The following DEXI variants were observed in gnomAD, a reference collection of about 807,000 sequenced individuals.
DEXI encodes Dexi homolog, also known as dexamethasone-induced protein.
A neutral mutation model predicts 2.5 loss-of-function variants in DEXI; 2 were observed. That is an observed-to-expected ratio of 0.81 (90% CI 0.33 to 2.55). The LOEUF is 2.55. DEXI is among the 30% of genes most tolerant of loss of function. The pLI is 0.11. For synonymous variants in DEXI, 71 were observed against 68.7 expected (o/e 1.03, Z -0.17); for missense variants, 108 against 130.3 (o/e 0.83, Z 0.83).
chr16:10,941,452 G>A lies in DEXI; in HGVS notation c.*149+117C>T. 1 of 1,062,766 alleles carries A rather than the reference G, an allele frequency of 9.4e-7. No individual in the cohort carries two copies. 65.8% of individuals were successfully genotyped at this position (1,062,766 alleles called of 1,614,324 possible). A position where few individuals can be genotyped will look rare whatever the true frequency, so the allele number is the denominator to read the frequency against. On this transcript the variant is annotated intron_variant, in intron 1 of 1. Coordinates refer to ENST00000331808, the MANE Select transcript of DEXI (RefSeq NM_014015.4). This position sits in a 1 kb window ranked among gnomAD's most constrained non-coding sequence, Gnocchi z 6.4. Reference sequence around the variant, plus strand: ...CCATTCCTGGCATCCAGTTAGACCTGGAGGAGGTGAACGGAGGAGAAGCCT... The same window carrying A: ...CCATTCCTGGCATCCAGTTAGACCTAGAGGAGGTGAACGGAGGAGAAGCCT...
Position 10,941,627 on chromosome 16 carries a change from C to T in DEXI, c.*91G>A. ...GGAACCATCCCCGTCCAGATGGTGC[C>T]CCCAACCAGCTGCGGCGGCATGATC... On this transcript the variant is annotated 3_prime_UTR_variant, in exon 1 of 2. Transcript: ENST00000331808. The surrounding 1 kb of genome is among the most constrained non-coding windows in gnomAD (Gnocchi z 6.4). 1 of 1,521,472 alleles carries T rather than the reference C, an allele frequency of 6.6e-7. No individual in the cohort carries two copies. The allele number at this position is 1,521,472 out of a possible 1,614,324, so 94.2% of individuals were successfully genotyped here.
Position 10,942,361 on chromosome 16 carries a change from G to C in DEXI, c.-356C>G, listed in dbSNP as rs529197150. On this transcript the variant is annotated 5_prime_UTR_variant, in exon 1 of 2. Transcript: ENST00000331808. This position sits in a 1 kb window ranked among gnomAD's most constrained non-coding sequence, Gnocchi z 5.0. ...CGGCTCAGTGTCTAGGGCCGGTCCC[G>C]GCAGCCTTCTCTCCCGCCCCGCCCC... 2.1e-5 allele frequency: 4 copies of C among 189,152 alleles called. No individual in the cohort carries two copies. The South Asian group carries it at 3.9e-4, about 18-fold the overall frequency. 11.7% of individuals were successfully genotyped at this position (189,152 alleles called of 1,614,324 possible).
At position 10,942,034 on chromosome 16, in the gene DEXI, C is replaced by G. The variant is rs572435508; in HGVS notation, c.-29G>C. On this transcript the variant is annotated 5_prime_UTR_variant, in exon 1 of 2. Coordinates refer to ENST00000331808, the MANE Select transcript of DEXI (RefSeq NM_014015.4). The surrounding 1 kb of genome is among the most constrained non-coding windows in gnomAD (Gnocchi z 5.0). ...GCGGGTGGCAAGGGCGGCGGCCCGGCGATCCCGGCGAACTCAGCCGCTGCG... is the reference window on the plus strand; with the variant it reads ...GCGGGTGGCAAGGGCGGCGGCCCGGGGATCCCGGCGAACTCAGCCGCTGCG... 29 of 1,371,130 alleles carry G rather than the reference C, an allele frequency of 2.1e-5. No homozygotes were observed. The African/African-American group carries it at 4.3e-4, about 20-fold the overall frequency. 84.9% of individuals were successfully genotyped at this position (1,371,130 alleles called of 1,614,324 possible).
At position 10,929,393 on chromosome 16, in the gene DEXI, C is replaced by G. The variant is rs190916651; in HGVS notation, c.*316G>C. 8.1e-6 allele frequency: 8 copies of G among 985,764 alleles called. No individual in the cohort carries two copies. The South Asian group carries it at 2.8e-4, about 35-fold the overall frequency. The allele number at this position is 985,764 out of a possible 1,614,324, so 61.1% of individuals were successfully genotyped here. On this transcript the variant is annotated 3_prime_UTR_variant, in exon 2 of 2. Coordinates refer to ENST00000331808, the MANE Select transcript of DEXI (RefSeq NM_014015.4). The surrounding 1 kb of genome is among the most constrained non-coding windows in gnomAD (Gnocchi z 4.3). The stretch of plus-strand genomic sequence containing the variant: ...TAATCAGAAGCCAAGGCCAGGCCAT[C>G]GATTTGACACTGCAGGCAGATGAGG...
In DEXI at chr16:10,940,270, A is replaced by C. The variant is rs2041084601; in HGVS notation, c.*149+1299T>G. On this transcript the variant is annotated intron_variant, in intron 1 of 1. Transcript: ENST00000331808. This position sits in a 1 kb window ranked among gnomAD's most constrained non-coding sequence, Gnocchi z 4.2. The stretch of plus-strand genomic sequence containing the variant: ...CCTTAGGGAGGTGATTAGGTCACGA[A>C]GGCAGAGCCTTCATGGGTGGGATTA... 1.3e-5 allele frequency: 2 copies of C among 152,268 alleles called. No individual in the cohort carries two copies. The highest frequency in any genetic ancestry group is 1.3e-4 in the Admixed American group (2 of 15,290). 9.4% of individuals were successfully genotyped at this position (152,268 alleles called of 1,614,324 possible). A position where few individuals can be genotyped will look rare whatever the true frequency, so the allele number is the denominator to read the frequency against.
At position 10,937,589 on chromosome 16, in the gene DEXI, C is replaced by G. The variant is rs757107548; in HGVS notation, c.*149+3980G>C. 6.6e-6 allele frequency: 1 copy of G among 152,268 alleles called. No homozygotes were observed. The highest frequency in any genetic ancestry group is 1.5e-5 in the Non-Finnish European group (1 of 68,058). 9.4% of individuals were successfully genotyped at this position (152,268 alleles called of 1,614,324 possible). ...AAGCTGACTCTGGTGGCAACGTTCT[C>G]CAGTCTCTGCATTTTCAGCTCGCTG... On this transcript the variant is annotated intron_variant, in intron 1 of 1. Coordinates refer to ENST00000331808, the MANE Select transcript of DEXI (RefSeq NM_014015.4). This position sits in a 1 kb window ranked among gnomAD's most constrained non-coding sequence, Gnocchi z 4.2.
In DEXI at chr16:10,942,012, G is replaced by A. The variant is rs768029611; in HGVS notation, c.-7C>T. On this transcript the variant is annotated 5_prime_UTR_variant, in exon 1 of 2. Transcript: ENST00000331808. This position sits in a 1 kb window ranked among gnomAD's most constrained non-coding sequence, Gnocchi z 5.0. Reference sequence around the variant, plus strand: ...CGACCCGGGCGCCGAGCATGCAGCGGGTGGCAAGGGCGGCGGCCCGGCGAT... The same window carrying A: ...CGACCCGGGCGCCGAGCATGCAGCGAGTGGCAAGGGCGGCGGCCCGGCGAT... The A allele has an allele frequency of 1.3e-5, 19 of 1,438,944 alleles. No homozygotes were observed. The highest frequency in any genetic ancestry group is 2.5e-4 in the Middle Eastern group (1 of 4,010). 89.1% of individuals were successfully genotyped at this position (1,438,944 alleles called of 1,614,324 possible). A position where few individuals can be genotyped will look rare whatever the true frequency, so the allele number is the denominator to read the frequency against.
In DEXI at chr16:10,929,496, T is replaced by G. The variant is rs1396433339; in HGVS notation, c.*213A>C. 1.0e-6 allele frequency: 1 copy of G among 985,574 alleles called. No individual in the cohort carries two copies. The highest frequency in any genetic ancestry group is 1.2e-6 in the Non-Finnish European group (1 of 829,952). 61.1% of individuals were successfully genotyped at this position (985,574 alleles called of 1,614,324 possible). ...CCTCAGCACTCAGTCCCAATCTCTC[T>G]TCCACTCTCCTGGGTTCAAACAGGA... On this transcript the variant is annotated 3_prime_UTR_variant, in exon 2 of 2. Coordinates refer to ENST00000331808, the MANE Select transcript of DEXI (RefSeq NM_014015.4). This position sits in a 1 kb window ranked among gnomAD's most constrained non-coding sequence, Gnocchi z 4.3.
At chr16:10,931,828 T>C (rs1182746478) in intron 1 of DEXI, 1 of 152,212 alleles carries the variant, frequency 6.6e-6, no homozygotes, top group Non-Finnish European at 1.5e-5. Context: ...GAGGCAGAGG[T>C]TGCAGTGAGC....
Position 10,934,921 on chromosome 16 carries a change from G to A in DEXI, c.*150-5362C>T, listed in dbSNP as rs1567465590. 1.3e-5 allele frequency: 2 copies of A among 152,184 alleles called. No homozygotes were observed. The highest frequency in any genetic ancestry group is 4.8e-5 in the African/African-American group (2 of 41,438). 9.4% of individuals were successfully genotyped at this position (152,184 alleles called of 1,614,324 possible). A position where few individuals can be genotyped will look rare whatever the true frequency, so the allele number is the denominator to read the frequency against. On this transcript the variant is annotated intron_variant, in intron 1 of 1. Transcript: ENST00000331808. The surrounding 1 kb of genome is among the most constrained non-coding windows in gnomAD (Gnocchi z 4.2). ...TGCCCACACAGACACACCCTCCTTGGTAACCAGTCCTCAGGAGGAAGGGCA... is the reference window on the plus strand; with the variant it reads ...TGCCCACACAGACACACCCTCCTTGATAACCAGTCCTCAGGAGGAAGGGCA...
At chr16:10,935,015 C>T (rs145322003) in intron 1 of DEXI, 43 of 152,364 alleles carry the variant, frequency 2.8e-4, no homozygotes, top group African/African-American at 1.0e-3. Flanking sequence ...TGACACTGAC[C>T]ACGTCATTCA....
At position 10,941,713 on chromosome 16, in the gene DEXI, A is replaced by G; in HGVS notation, c.*5T>C. The G allele has an allele frequency of 6.2e-7, 1 of 1,603,212 alleles. No homozygotes were observed. The highest frequency in any genetic ancestry group is 8.5e-7 in the Non-Finnish European group (1 of 1,174,150). On this transcript the variant is annotated 3_prime_UTR_variant, in exon 1 of 2. Transcript: ENST00000331808. This position sits in a 1 kb window ranked among gnomAD's most constrained non-coding sequence, Gnocchi z 6.4. ...GTAGGGAAGAGGGGAACAGCAGTCG[A>G]GACCCTACTCCAAGTACGCATCAAA...
At chr16:10,936,981 A>G (rs938187191) in intron 1 of DEXI, 1 of 152,242 alleles carries the variant, frequency 6.6e-6, no homozygotes, top group African/African-American at 2.4e-5. Context: ...TTAGTTCGGC[A>G]AAACAGACAC....
At chr16:10,930,608 G>A (rs2040744335) in intron 1 of DEXI, 2 of 152,222 alleles carry the variant, frequency 1.3e-5, no homozygotes, top group Middle Eastern at 3.1e-3. Flanking sequence ...ACAGCTATGA[G>A]AGGCAAAGCT....
At chr16:10,935,576 T>A (rs1376375677) in intron 1 of DEXI, 1 of 152,212 alleles carries the variant, frequency 6.6e-6, no homozygotes, top group African/African-American at 2.4e-5. Context: ...GTGCATTTCA[T>A]CTTAAACTGC....
chr16:10,933,894 C>G (rs2145377302), intron 1 of DEXI: 1 of 152,340 alleles, frequency 6.6e-6, no homozygotes, highest in South Asian at 2.1e-4. Context: ...GCAGGAGGGT[C>G]TCTACCTTAT....
At chr16:10,932,886 A>G (rs1409635515) in intron 1 of DEXI, 1 of 151,920 alleles carries the variant, frequency 6.6e-6, no homozygotes, top group Non-Finnish European at 1.5e-5. Flanking sequence ...ATGGGGTTTC[A>G]CCATGTTGGC....
chr16:10,938,148 A>G lies in DEXI; in HGVS notation c.*149+3421T>C, dbSNP rs1262546657. On this transcript the variant is annotated intron_variant, in intron 1 of 1. Transcript: ENST00000331808. This position sits in a 1 kb window ranked among gnomAD's most constrained non-coding sequence, Gnocchi z 4.9. Reference sequence around the variant, plus strand: ...ACAAGGAGATCTAAGTGCTTTATGTATATCTCACCTAATCCTCACAACAAG... The same window carrying G: ...ACAAGGAGATCTAAGTGCTTTATGTGTATCTCACCTAATCCTCACAACAAG... The G allele has an allele frequency of 6.6e-6, 1 of 152,222 alleles. No homozygotes were observed. Among genetic ancestry groups the G allele is most frequent in the African/African-American group, 2.4e-5 (1 of 41,440 alleles). The allele number at this position is 152,222 out of a possible 1,614,324, so 9.4% of individuals were successfully genotyped here.
At chr16:10,931,890 C>G (rs2040814126) in intron 1 of DEXI, 1 of 151,962 alleles carries the variant, frequency 6.6e-6, no homozygotes, top group Non-Finnish European at 1.5e-5. Context: ...GACTCTGTCT[C>G]AAAAAAACAC....
Sources: gnomAD v4.1 joint callset for allele counts on GRCh38, gnomAD v4.1.1 for gene constraint, Gnocchi (gnomAD v3.1) non-coding constraint, MANE v1.5 for transcripts, NCBI Gene and HGNC (gene_info 2026-07-23, HGNC 2026-07-21) for gene names.